KIF6: variants seen among roughly 807,000 people sequenced by gnomAD.
The protein encoded by KIF6 is kinesin family member 6, also known as kinesin-like protein KIF6.
KIF6 carries 106 observed loss-of-function variants against 112.7 expected under a neutral mutation model. That is an observed-to-expected ratio of 0.94 (90% CI 0.80 to 1.11). KIF6 has a LOEUF of 1.11. Among genes scored for constraint, KIF6 ranks in the 50% least tolerant of loss-of-function variants. The pLI, the probability that KIF6 is intolerant of heterozygous loss-of-function variation, is 0.00. For missense variants in KIF6, 929 were observed against 964.0 expected (o/e 0.96, Z 0.48); for synonymous variants, 339 against 339.9 (o/e 1.00, Z 0.03).
At chr6:39,412,989 T>C (rs991193649) in intron 15 of KIF6, among the ~76,000 whole-genome samples, 1 of 152,106 alleles carries the variant, frequency 6.6e-6, no homozygotes, top group Non-Finnish European at 1.5e-5. Context: ...AAATCTGATG[T>C]TTTAATAATA....
chr6:39,533,608 C>T (rs1303675176), intron 13 of KIF6, among the ~76,000 whole-genome samples: 1 of 152,156 alleles, frequency 6.6e-6, no homozygotes, highest in Non-Finnish European at 1.5e-5. Context: ...AAAAGACAAA[C>T]AAAAAGACAA....
At chr6:39,622,579 C>T (rs936557369) in intron 5 of KIF6, among the ~76,000 whole-genome samples, 3 of 152,060 alleles carry the variant, frequency 2.0e-5, no homozygotes, top group African/African-American at 4.8e-5. Context: ...ATGCAGTTTG[C>T]CTGTATGGGA....
intron 13 of KIF6, among the ~76,000 whole-genome samples, chr6:39,523,647 TA>T (rs1229888185): frequency 8.4e-3 from 10 of 1,186 alleles, no homozygotes; most frequent in Non-Finnish European, 0.015. Context: ...AATTCTGCCA[TA>T]TATATATATA....
At chr6:39,720,225 C>T (rs1332280810) in intron 2 of KIF6, among the ~76,000 whole-genome samples, 1 of 152,132 alleles carries the variant, frequency 6.6e-6, no homozygotes, top group Non-Finnish European at 1.5e-5. Context: ...TTTGAACATA[C>T]TTCAAGTGTT....
At chr6:39,340,530 C>A (rs1763270248) in intron 22 of KIF6, among the ~76,000 whole-genome samples, 1 of 152,228 alleles carries the variant, frequency 6.6e-6, no homozygotes, top group Admixed American at 6.5e-5. Flanking sequence ...GATACAACCT[C>A]TGTGTGCCTC....
intron 13 of KIF6, among the ~76,000 whole-genome samples, chr6:39,502,160 C>T (rs60548506): frequency 0.063 from 9,617 of 152,102 alleles, 421 homozygotes; most frequent in Middle Eastern, 0.15. Flanking sequence ...CCCTACAAGC[C>T]GGAAGAGATT....
chr6:39,333,060 A>G lies in KIF6; in HGVS notation c.*3472T>C, dbSNP rs1403376545. 1 of 152,222 alleles carries G rather than the reference A, an allele frequency of 6.6e-6. No homozygotes were observed. The highest frequency in any genetic ancestry group is 1.5e-5 in the Non-Finnish European group (1 of 68,054). 9.4% of individuals were successfully genotyped at this position (152,222 alleles called of 1,614,324 possible). On this transcript the variant is annotated 3_prime_UTR_variant, in exon 23 of 23. Transcript: ENST00000287152. ...GCTTGTTATCCAATGGCTGAAAACCATTGGTTTGTATAGAGGATTTTGTCT... is the reference window on the plus strand; with the variant it reads ...GCTTGTTATCCAATGGCTGAAAACCGTTGGTTTGTATAGAGGATTTTGTCT...
intron 2 of KIF6, among the ~76,000 whole-genome samples, chr6:39,719,227 G>A (rs1465184770): frequency 6.6e-6 from 1 of 152,136 alleles, no homozygotes. Context: ...GCTGAGGCAG[G>A]AGAATCGCTT....
chr6:39,648,249 C>T (rs1356731518), intron 3 of KIF6, among the ~76,000 whole-genome samples: 1 of 149,710 alleles, frequency 6.7e-6, no homozygotes, highest in East Asian at 2.0e-4. Flanking sequence ...ACCATGTTGG[C>T]CAGGCTGGTC....
chr6:39,460,086 G>C (rs1344987588), intron 13 of KIF6, among the ~76,000 whole-genome samples: 3 of 149,898 alleles, frequency 2.0e-5, no homozygotes, highest in African/African-American at 7.4e-5. Context: ...TATGTTTATT[G>C]TGGCATTATG....
intron 19 of KIF6, among the ~76,000 whole-genome samples, chr6:39,354,467 T>G (rs1240874331): frequency 6.6e-6 from 1 of 152,184 alleles, no homozygotes; most frequent in African/African-American, 2.4e-5. Context: ...AAAGACACAA[T>G]GCAAGATTAA....
intron 3 of KIF6, among the ~76,000 whole-genome samples, chr6:39,706,346 C>T (rs1789208841): frequency 6.6e-6 from 1 of 152,136 alleles, no homozygotes; most frequent in African/African-American, 2.4e-5. Flanking sequence ...ATCTTTAATA[C>T]ATTCTATACT....
chr6:39,555,206 C>T (rs1779629058), intron 10 of KIF6, among the ~76,000 whole-genome samples: 1 of 152,178 alleles, frequency 6.6e-6, no homozygotes, highest in Non-Finnish European at 1.5e-5. Flanking sequence ...CTTTCCCCAC[C>T]TCATGTCCTC....
intron 3 of KIF6, among the ~76,000 whole-genome samples, chr6:39,648,227 G>GGT (rs375284548): frequency 6.2e-5 from 4 of 64,354 alleles, no homozygotes; most frequent in African/African-American, 2.4e-4. Context: ...GGCGGGCGGG[G>GGT]GGGGGTGCCT....
At chr6:39,397,504 T>C (rs1768359586) in intron 15 of KIF6, among the ~76,000 whole-genome samples, 1 of 151,290 alleles carries the variant, frequency 6.6e-6, no homozygotes, top group African/African-American at 2.4e-5. Context: ...TTTTCAGGAG[T>C]GACATATTTC....
At chr6:39,545,540 C>G in intron 11 of KIF6, 43 bp downstream of exon 11, 1 of 1,466,678 alleles carries the variant, frequency 6.8e-7, no homozygotes. Flanking sequence ...GCAGCTTGAA[C>G]ATGGCTGAAA....
intron 13 of KIF6, among the ~76,000 whole-genome samples, chr6:39,518,818 G>A (rs1350794185): frequency 6.6e-6 from 1 of 152,070 alleles, no homozygotes; most frequent in Admixed American, 6.6e-5. Flanking sequence ...TCATTCAAAT[G>A]GTAAATGCTT....
At chr6:39,595,804 T>C (rs1782219370) in intron 7 of KIF6, among the ~76,000 whole-genome samples, 1 of 152,134 alleles carries the variant, frequency 6.6e-6, no homozygotes, top group African/African-American at 2.4e-5. Context: ...GACTAGAGTA[T>C]AGGGGAATGG....
At chr6:39,657,401 A>G (rs931646752) in intron 3 of KIF6, among the ~76,000 whole-genome samples, 2 of 152,154 alleles carry the variant, frequency 1.3e-5, no homozygotes, top group African/African-American at 4.8e-5. Context: ...GGGAGAGCTT[A>G]ATAAATCAGT....
Sources: gnomAD v4.1 joint callset for allele counts (sites outside exome capture counted in the v4.1 genomes callset) on GRCh38, gnomAD v4.1.1 for gene constraint, MANE v1.5 for transcripts, NCBI Gene and HGNC (gene_info 2026-07-23, HGNC 2026-07-21) for gene names.